The following MAP4K2 variants were observed in gnomAD, a reference collection of about 807,000 sequenced individuals.
MAP4K2 encodes the protein mitogen-activated protein kinase kinase kinase kinase 2.
In MAP4K2, 85 loss-of-function variants were observed where a neutral mutation model predicts 125.3. That is an observed-to-expected ratio of 0.68 (90% CI 0.57 to 0.81). The LOEUF (loss-of-function observed/expected upper bound fraction) is 0.81, where lower values mean the gene tolerates loss of function less well. Ranked by LOEUF, MAP4K2 falls within the 40% of genes least tolerant of loss-of-function variation. MAP4K2 has a pLI of 0.00. For missense variants in MAP4K2, 923 were observed against 1,056.4 expected (o/e 0.87, Z 1.75); for synonymous variants, 479 against 445.1 (o/e 1.08, Z -0.96).
rs769892719 is a variant in MAP4K2, at chr11:64,803,166, GGCCGGCAGGCGGGCGGGCGC to G, written c.-37_-18del. The G allele has an allele frequency of 2.2e-5, 26 of 1,207,998 alleles. No homozygotes were observed. In the African/African-American group the frequency reaches 3.9e-4, roughly 18 times the overall value. 74.8% of individuals were successfully genotyped at this position (1,207,998 alleles called of 1,614,324 possible). On this transcript the variant is annotated 5_prime_UTR_variant, in exon 1 of 32. Transcript: ENST00000294066. ...CAGCGCCATGGCCCGGCGCCGGGCGGGCCGGCAGGCGGGCGGGCGCGAGCTGCGGAGCCGGCGCGGGGCGG... is the reference window on the plus strand; with the variant it reads ...CAGCGCCATGGCCCGGCGCCGGGCGGGAGCTGCGGAGCCGGCGCGGGGCGG...
At position 64,797,378 on chromosome 11, in the gene MAP4K2, C is replaced by T. The variant is rs1262890146; in HGVS notation, c.1173G>A (p.Glu391=). ...CCATGGTATCGTCTGGGGAGTCCAG[C>T]TCCTGGTAGGAGGGGCAGGGCCCAG... ...LTIRSASEFQ[E]LDSPDDTMGT... Residue 391 remains glutamate, a splice_region_variant and synonymous_variant, in exon 18 of 32, where the codon GAG becomes GAA. Transcript: ENST00000294066. The T allele has an allele frequency of 4.4e-6, 7 of 1,580,812 alleles. No individual in the cohort carries two copies. The African/African-American group carries it at 6.7e-5, about 15-fold the overall frequency.
chr11:64,797,584 G>A, intron 16 of MAP4K2, 42 bp downstream of exon 16: 1 of 1,577,330 alleles, frequency 6.3e-7, no homozygotes, highest in Non-Finnish European at 8.6e-7. Flanking sequence ...TGGCACCAAG[G>A]CCACCTGCCC....
intron 24 of MAP4K2, 64 bp from the exon 25 acceptor site, chr11:64,792,486 C>A: frequency 1.4e-6 from 2 of 1,395,758 alleles, no homozygotes; most frequent in Admixed American, 2.0e-5. Flanking sequence ...CCCTGCAGAG[C>A]CCTATGAGGT....
In MAP4K2 at chr11:64,802,889, G is replaced by A; in HGVS notation, c.150C>T (p.Asp50=). ...AGGCCCGACCCGGGCCCTCACCTGGGTCTAGCTTGACTATCTTCACGGCGG... is the reference window on the plus strand; with the variant it reads ...AGGCCCGACCCGGGCCCTCACCTGGATCTAGCTTGACTATCTTCACGGCGG... ...ELAAVKIVKL[D]PGDDISSLQQ... Residue 50 remains aspartate (D), a synonymous_variant, in exon 2 of 32, where the codon GAC becomes GAT. Coordinates refer to ENST00000294066, the MANE Select transcript of MAP4K2 (RefSeq NM_004579.5). 1 of 1,601,786 alleles carries A rather than the reference G, an allele frequency of 6.2e-7. No homozygotes were observed. Among genetic ancestry groups the A allele is most frequent in the Non-Finnish European group, 8.5e-7 (1 of 1,174,998 alleles).
At position 64,800,201 on chromosome 11, in the gene MAP4K2, G is replaced by A. The variant is rs755781662; in HGVS notation, c.823C>T (p.Gln275Ter). 1 of 1,613,402 alleles carries A rather than the reference G, an allele frequency of 6.2e-7. No individual in the cohort carries two copies. Among genetic ancestry groups the A allele is most frequent in the Non-Finnish European group, 8.5e-7 (1 of 1,179,894 alleles). ...EKLLQHPFTTQQLPRALLTQL... is the reference protein window; with the variant it reads ...EKLLQHPFTT ...GTGAGGAGGGCCCGAGGGAGCTGCTGAGTCGTGAACGGGTGCTGGAAAGTG... is the reference window on the plus strand; with the variant it reads ...GTGAGGAGGGCCCGAGGGAGCTGCTAAGTCGTGAACGGGTGCTGGAAAGTG... The change falls in exon 12 of 32, where the codon CAG (glutamine) becomes TAG (stop). Residue 275 changes from glutamine (Q) to a stop codon, truncating the protein, a stop_gained. Coordinates refer to ENST00000294066, the MANE Select transcript of MAP4K2 (RefSeq NM_004579.5). LOFTEE classifies it high-confidence loss of function.
In MAP4K2 at chr11:64,800,337, T is replaced by G. The variant is rs1452992416; in HGVS notation, c.781A>C (p.Arg261=). The G allele has an allele frequency of 6.2e-7, 1 of 1,614,116 alleles. No homozygotes were observed. Among genetic ancestry groups the G allele is most frequent in the South Asian group, 1.1e-5 (1 of 91,084 alleles). The change falls in exon 11 of 32, where the codon AGG becomes CGG. Residue 261 remains arginine (R), a synonymous_variant. Coordinates refer to ENST00000294066, the MANE Select transcript of MAP4K2 (RefSeq NM_004579.5). ...TGCAGGAGCTTCTCTGCTGTCGGCC[T>G]CTTCTTAGGATTCTTGGTCAGGGCC... ...KLALTKNPKK[R]PTAEKLLQHP...
intron 27 of MAP4K2, 109 bp from the exon 28 acceptor site, chr11:64,790,571 C>A (rs1358736303): frequency 5.1e-6 from 5 of 981,134 alleles, no homozygotes; most frequent in East Asian, 4.9e-5. Flanking sequence ...GGCACGTCAG[C>A]CTCACAACAG....
At chr11:64,799,779 A>G (rs948868745) in intron 12 of MAP4K2, 96 bp from the exon 13 acceptor site, 1 of 960,414 alleles carries the variant, frequency 1.0e-6, no homozygotes, top group Non-Finnish European at 1.6e-6. Context: ...TTTTGCTTTC[A>G]TGACAGCCCT....
intron 10 of MAP4K2, 98 bp downstream of exon 10, chr11:64,800,666 A>T (rs192588402): frequency 5.4e-6 from 8 of 1,472,274 alleles, no homozygotes; most frequent in Non-Finnish European, 7.4e-6. Context: ...CAGAAAGGAC[A>T]GGGCTCTTGG....
At chr11:64,801,914 G>A in intron 5 of MAP4K2, 152 bp downstream of exon 5, 1 of 1,126,474 alleles carries the variant, frequency 8.9e-7, no homozygotes, top group Non-Finnish European at 1.3e-6. Flanking sequence ...ACTGCTTCCG[G>A]CAACAGGGCT....
chr11:64,797,284 T>C lies in MAP4K2; in HGVS notation c.1267A>G (p.Ser423Gly), dbSNP rs1940869150. The change falls in exon 18 of 32, where the codon AGT becomes GGT. Residue 423 changes from serine (S) to glycine (G), a missense_variant. This residue lies in a region of MAP4K2 where 833 missense variants were observed against 911.4 expected (regional missense o/e 0.91). Transcript: ENST00000294066. ...TDPPAEEPLSSPPGTLPPPPS... is the reference protein window; with the variant it reads ...TDPPAEEPLSGPPGTLPPPPS... ...CAAGCCTGAGACTCACCTGGGGGAC[T>C]GGACAGAGGCTCCTCTGCTGGAGGG... The C allele has an allele frequency of 6.2e-7, 1 of 1,601,188 alleles. No individual in the cohort carries two copies. Among genetic ancestry groups the C allele is most frequent in the South Asian group, 1.1e-5 (1 of 89,108 alleles).
chr11:64,802,308 G>T, intron 4 of MAP4K2, 111 bp downstream of exon 4: 3 of 1,209,976 alleles, frequency 2.5e-6, no homozygotes, highest in Non-Finnish European at 2.4e-6. Context: ...ACACAGCCAG[G>T]CAGGAGTGGA....
chr11:64,799,481 T>G lies in MAP4K2; in HGVS notation c.995-2A>C, dbSNP rs1565621748. 3.7e-6 allele frequency: 6 copies of G among 1,610,828 alleles called. No individual in the cohort carries two copies. Among genetic ancestry groups the G allele is most frequent in the East Asian group, 2.2e-5 (1 of 44,858 alleles). On this transcript the variant is annotated splice_acceptor_variant, in intron 13 of 31. Transcript: ENST00000294066. LOFTEE classifies it high-confidence loss of function. ...GGGCGCCAAATTTCACCTGGTGAACTGGGGGGCCCAGAGTACAAGAGTGAA... is the reference window on the plus strand; with the variant it reads ...GGGCGCCAAATTTCACCTGGTGAACGGGGGGGCCCAGAGTACAAGAGTGAA...
At position 64,787,232 on chromosome 11, in the gene MAP4K2, T is replaced by A. The variant is rs192029758; in HGVS notation, c.*2305A>T. Reference sequence around the variant, plus strand: ...TTTTAGTAGAGACGGGGTTTCACCATGTTGGCCAGGCTGGTCTCGAACCCC... The same window carrying A: ...TTTTAGTAGAGACGGGGTTTCACCAAGTTGGCCAGGCTGGTCTCGAACCCC... On this transcript the variant is annotated 3_prime_UTR_variant, in exon 32 of 32. Transcript: ENST00000294066. The A allele has an allele frequency of 3.4e-4, 52 of 152,158 alleles. 2 individuals are homozygous for A. Among genetic ancestry groups the A allele is most frequent in the Admixed American group, 3.3e-3 (51 of 15,268 alleles). 9.4% of individuals were successfully genotyped at this position (152,158 alleles called of 1,614,324 possible). A position where few individuals can be genotyped will look rare whatever the true frequency, so the allele number is the denominator to read the frequency against.
At position 64,797,166 on chromosome 11, in the gene MAP4K2, G is replaced by A. The variant is rs368722505; in HGVS notation, c.1303C>T (p.Pro435Ser). ...PGTLPPPPSG[P>S]NSSPLLPTAW... ...GTGGGCAGCAGTGGGGAGCTGTTGG[G>A]GCCTGAAGGAGGTGGGGGCAGGGTT... The change falls in exon 19 of 32, where the codon CCC becomes TCC. Residue 435 changes from proline (P) to serine (S), a missense_variant. Physicochemically the swap from Pro to Ser is moderately conservative, Grantham distance 74. Around this residue, in one of 2 missense-constraint regions of MAP4K2, gnomAD observed 833 missense variants for 911.4 expected, o/e 0.91. Transcript: ENST00000294066. The A allele has an allele frequency of 1.2e-5, 19 of 1,613,820 alleles. No homozygotes were observed. Among genetic ancestry groups the A allele is most frequent in the Middle Eastern group, 1.6e-4 (1 of 6,084 alleles).
chr11:64,800,267 T>C, intron 11 of MAP4K2, 44 bp downstream of exon 11: 1 of 1,612,342 alleles, frequency 6.2e-7, no homozygotes, highest in African/African-American at 1.3e-5. Flanking sequence ...TCCAGGGCCC[T>C]GCTTTTGAGT....
In MAP4K2 at chr11:64,803,177, G is replaced by A. The variant is rs776690925; in HGVS notation, c.-28C>T. 14 of 1,105,538 alleles carry A rather than the reference G, an allele frequency of 1.3e-5. No homozygotes were observed. In the East Asian group the frequency reaches 4.1e-4, roughly 32 times the overall value. The allele number at this position is 1,105,538 out of a possible 1,614,324, so 68.5% of individuals were successfully genotyped here. On this transcript the variant is annotated 5_prime_UTR_variant, in exon 1 of 32. Coordinates refer to ENST00000294066, the MANE Select transcript of MAP4K2 (RefSeq NM_004579.5). ...CCCGGCGCCGGGCGGGCCGGCAGGCGGGCGGGCGCGAGCTGCGGAGCCGGC... is the reference window on the plus strand; with the variant it reads ...CCCGGCGCCGGGCGGGCCGGCAGGCAGGCGGGCGCGAGCTGCGGAGCCGGC...
Position 64,792,222 on chromosome 11 carries a change from G to C in MAP4K2, c.1864C>G (p.Leu622Val). The C allele has an allele frequency of 6.2e-7, 1 of 1,612,452 alleles. No homozygotes were observed. The change falls in exon 26 of 32, where the codon CTG becomes GTG. Residue 622 changes from leucine to valine, a missense_variant. Leu to Val is a conservative substitution (Grantham distance 32, BLOSUM62 1). This residue lies in a region of MAP4K2 where 833 missense variants were observed against 911.4 expected (regional missense o/e 0.91). Coordinates refer to ENST00000294066, the MANE Select transcript of MAP4K2 (RefSeq NM_004579.5). ...GGCTCATACCACTGCAGCAGGAGCA[G>C]GCTGGTGGGCAGGGCGGCCAGCAGG... ...TFLLAALPTS[L>V]LLLQWYEPLQ...
intron 12 of MAP4K2, 118 bp from the exon 13 acceptor site, chr11:64,799,801 G>A (rs1941052253): frequency 2.6e-6 from 2 of 774,264 alleles, no homozygotes; most frequent in Admixed American, 2.4e-5. Flanking sequence ...TGGGACTACT[G>A]TAAAATAAAA....
Sources: allele counts gnomAD v4.1 joint callset, GRCh38; gene constraint gnomAD v4.1.1; regional missense constraint gnomAD v4.1.1; transcripts MANE v1.5; gene names NCBI Gene and HGNC (gene_info 2026-07-23, HGNC 2026-07-21).